The following FAM83G variants were observed in gnomAD, a reference collection of about 807,000 sequenced individuals.
FAM83G encodes scaffolding CK1 anchoring protein G, also known as protein FAM83G.
In FAM83G, 38 loss-of-function variants were observed where a neutral mutation model predicts 61.5. The observed-to-expected ratio is 0.62, with a 90% CI of 0.48 to 0.81. The LOEUF (loss-of-function observed/expected upper bound fraction) is 0.81. Among genes scored for constraint, FAM83G ranks in the 30% least tolerant of loss-of-function variants. FAM83G has a pLI of 0.00. For missense variants in FAM83G, 989 were observed against 1,133.6 expected, an observed-to-expected ratio of 0.87 and a Z score of 1.83; for synonymous variants, 470 against 476.1, an observed-to-expected ratio of 0.99 and a Z score of 0.17.
At chr17:18,976,187 C>CAAAAAAAGAAAAAAA (rs2042974852) in intron 5 of FAM83G, 1 of 108,466 alleles carries the variant, frequency 9.2e-6, no homozygotes, top group Non-Finnish European at 1.9e-5. Context: ...GACTCCGACT[C>CAAAAAAAGAAAAAAA]AAAAAAAAAG....
In FAM83G at chr17:18,968,870, G is replaced by C. The variant is rs576959646; in HGVS notation, c.*2489C>G. The C allele has an allele frequency of 3.4e-6, 2 of 594,298 alleles. No homozygotes were observed. Among genetic ancestry groups the C allele is most frequent in the Admixed American group, 3.1e-5 (1 of 32,744 alleles). The allele number at this position is 594,298 out of a possible 1,614,324, so 36.8% of individuals were successfully genotyped here. Reference sequence around the variant, plus strand: ...CATCCGCACAAGCTTGTAGCTCCACGGCCAGGTCTTCCCCCAACCTCACAA... The same window carrying C: ...CATCCGCACAAGCTTGTAGCTCCACCGCCAGGTCTTCCCCCAACCTCACAA... On this transcript the variant is annotated 3_prime_UTR_variant, in exon 6 of 6. Coordinates refer to ENST00000388995, the MANE Select transcript of FAM83G (RefSeq NM_001039999.3). This position sits in a 1 kb window ranked among gnomAD's most constrained non-coding sequence, Gnocchi z 4.1.
intron 2 of FAM83G, among the ~76,000 whole-genome samples, chr17:18,998,018 C>G (rs1478695012): frequency 2.6e-5 from 4 of 152,224 alleles, no homozygotes; most frequent in African/African-American, 4.8e-5. Context: ...AAGATAACAC[C>G]AGAGCTGGGG....
chr17:18,991,654 C>T (rs973110370), intron 2 of FAM83G, among the ~76,000 whole-genome samples: 1 of 152,210 alleles, frequency 6.6e-6, no homozygotes, highest in Non-Finnish European at 1.5e-5. Flanking sequence ...GAGCAGCTGG[C>T]ACAGGGGCAG....
chr17:18,981,686 C>T (rs1258653682), intron 3 of FAM83G, among the ~76,000 whole-genome samples: 2 of 152,176 alleles, frequency 1.3e-5, no homozygotes, highest in African/African-American at 2.4e-5. Flanking sequence ...ATCTGATGCC[C>T]ACCTGTGGGA....
At chr17:18,997,038 T>C (rs1055667873) in intron 2 of FAM83G, among the ~76,000 whole-genome samples, 1 of 152,202 alleles carries the variant, frequency 6.6e-6, no homozygotes, top group East Asian at 1.9e-4. Flanking sequence ...CCCTTGACAT[T>C]CATCAGCTCT....
chr17:18,976,830 C>T (rs772217660), intron 5 of FAM83G: 2 of 1,611,650 alleles, frequency 1.2e-6, no homozygotes, highest in African/African-American at 1.3e-5. Flanking sequence ...CTTGGACTCA[C>T]CCCGTCTCGC....
In FAM83G at chr17:18,971,396, C is replaced by T. The variant is rs374481599; in HGVS notation, c.2435G>A (p.Arg812Gln). The T allele has an allele frequency of 2.1e-5, 34 of 1,613,614 alleles. No individual in the cohort carries two copies. Among genetic ancestry groups the T allele is most frequent in the African/African-American group, 4.0e-5 (3 of 74,912 alleles). The change falls in exon 6 of 6, where the codon CGG becomes CAG. Residue 812 changes from arginine to glutamine, a missense_variant. Arg to Gln is a conservative substitution (Grantham distance 43). Around this residue, in one of 3 missense-constraint regions of FAM83G, gnomAD observed 574 missense variants for 645.1 expected, o/e 0.89. Transcript: ENST00000388995. The surrounding 1 kb of genome is among the most constrained non-coding windows in gnomAD (Gnocchi z 5.5). ...GSQWASSDSKRRAQAPRDRKD... is the reference protein window; with the variant it reads ...GSQWASSDSKQRAQAPRDRKD... ...GCGGTCCCGGGGGGCTTGAGCCCTC[C>T]GTTTAGAATCCGATGAGGCCCACTG... is the stretch of plus-strand genomic sequence containing the variant.
At position 19,000,490 on chromosome 17, in the gene FAM83G, T is replaced by C. The variant is rs1049090028; in HGVS notation, c.522+3030A>G. Among the ~76,000 whole-genome samples the C allele has an allele frequency of 2.0e-5, 3 of 152,116 alleles. No homozygotes were observed. The highest frequency in any genetic ancestry group is 7.2e-5 in the African/African-American group (3 of 41,406). The stretch of plus-strand genomic sequence containing the variant: ...TGTCCACTAGTTCCATTCTAGTCAT[T>C]TGGGAACAGGGGGGACTGACAGCAG... On this transcript the variant is annotated intron_variant, in intron 2 of 5. Transcript: ENST00000388995. The surrounding 1 kb of genome is among the most constrained non-coding windows in gnomAD (Gnocchi z 5.2).
chr17:18,977,398 G>C (rs999554060), intron 5 of FAM83G, 186 bp downstream of exon 5: 8 of 630,908 alleles, frequency 1.3e-5, no homozygotes, highest in South Asian at 2.0e-5. Context: ...CAGCATTAAT[G>C]ATGGCCTTCC....
rs551954434 is a variant in FAM83G, at chr17:18,977,596, G to T, written c.2070C>A (p.Asp690Glu). The T allele has an allele frequency of 1.2e-5, 20 of 1,608,608 alleles. No homozygotes were observed. Among genetic ancestry groups the T allele is most frequent in the Middle Eastern group, 1.7e-4 (1 of 6,058 alleles). Residue 690 changes from aspartate (D) to glutamate (E), a missense_variant, in exon 5 of 6, where the codon GAC becomes GAA. By Grantham distance (45) the Asp-to-Glu change is conservative (BLOSUM62 2). Around this residue, in one of 3 missense-constraint regions of FAM83G, gnomAD observed 574 missense variants for 645.1 expected, o/e 0.89. Transcript: ENST00000388995. ...GACCCTGACCCACCTGTGCCTCCTT[G>T]TCTGTGGAGCGCTGGGCCTGCATCC... ...LKRMQAQRST[D>E]KEAQGQQFHH... is the part of the protein sequence containing the mutation.
chr17:18,998,053 G>A (rs2043612986), intron 2 of FAM83G, among the ~76,000 whole-genome samples: 1 of 152,206 alleles, frequency 6.6e-6, no homozygotes, highest in Admixed American at 6.5e-5. Flanking sequence ...CCAGTGATAC[G>A]GAAGCCTGTC....
At position 18,971,257 on chromosome 17, in the gene FAM83G, C is replaced by T. The variant is rs183733514; in HGVS notation, c.*102G>A. ...TCTCCCGCCCATCCCACCTTCCTGCCGTCCCAGTGGGCTCTGGTAGGCCCA... is the reference window on the plus strand; with the variant it reads ...TCTCCCGCCCATCCCACCTTCCTGCTGTCCCAGTGGGCTCTGGTAGGCCCA... On this transcript the variant is annotated 3_prime_UTR_variant, in exon 6 of 6. Transcript: ENST00000388995. This position sits in a 1 kb window ranked among gnomAD's most constrained non-coding sequence, Gnocchi z 5.5. The T allele has an allele frequency of 2.1e-4, 337 of 1,612,252 alleles. 1 individual carries two copies. In the African/African-American group the frequency reaches 3.1e-3, roughly 15 times the overall value.
chr17:19,005,622 A>G (rs1286228082), upstream of FAM83G, among the ~76,000 whole-genome samples: 1 of 151,638 alleles, frequency 6.6e-6, no homozygotes, highest in Non-Finnish European at 1.5e-5. Flanking sequence ...TAGGCTGGTG[A>G]CATCTCTAGG....
At position 19,004,351 on chromosome 17, in the gene FAM83G, T is replaced by C; in HGVS notation, c.-128-182A>G. The C allele has an allele frequency of 6.7e-6, 2 of 297,148 alleles. No homozygotes were observed. The highest frequency in any genetic ancestry group is 1.3e-5 in the Non-Finnish European group (2 of 159,318). The allele number at this position is 297,148 out of a possible 1,614,324, so 18.4% of individuals were successfully genotyped here. On this transcript the variant is annotated intron_variant, in intron 1 of 5. Transcript: ENST00000388995. This position sits in a 1 kb window ranked among gnomAD's most constrained non-coding sequence, Gnocchi z 5.4. ...AGAAAGTAAGGGATCGGAACAGCGG[T>C]GAGGGAGCGGTGGGCCACGTCCCAG...
At chr17:18,983,771 G>GC (rs1340315243) in intron 3 of FAM83G, among the ~76,000 whole-genome samples, 1 of 152,168 alleles carries the variant, frequency 6.6e-6, no homozygotes, top group Non-Finnish European at 1.5e-5. Context: ...GGGGTGGTGG[G>GC]CCCTTTGTGA....
At chr17:18,986,720 G>A (rs575991470) in intron 3 of FAM83G, among the ~76,000 whole-genome samples, 14 of 152,368 alleles carry the variant, frequency 9.2e-5, no homozygotes, top group Non-Finnish European at 1.9e-4. Context: ...AAACCGACAG[G>A]CTTGCTCCCT....
chr17:18,979,658 T>C lies in FAM83G; in HGVS notation c.706A>G (p.Ser236Gly), dbSNP rs1255505039. The part of the protein sequence containing the change: ...LGHLKNLRVR[S>G]SGGTEFFTRS... The stretch of plus-strand genomic sequence containing the variant: ...GTGAAGAACTCAGTTCCCCCGCTGC[T>C]CCGCACTCTGAGATTCTGTTTTGGG... Residue 236 changes from serine to glycine, a missense_variant, in exon 4 of 6, where the codon AGC becomes GGC. Physicochemically the swap from Ser to Gly is moderately conservative, Grantham distance 56. Coordinates refer to ENST00000388995, the MANE Select transcript of FAM83G (RefSeq NM_001039999.3). 2.5e-6 allele frequency: 4 copies of C among 1,613,406 alleles called. No individual in the cohort carries two copies. The highest frequency in any genetic ancestry group is 3.4e-6 in the Non-Finnish European group (4 of 1,179,960).
rs774547171 is a variant in FAM83G, at chr17:18,971,580, C to T, written c.2251G>A (p.Val751Ile). The T allele has an allele frequency of 1.2e-6, 2 of 1,613,604 alleles. No individual in the cohort carries two copies. The highest frequency in any genetic ancestry group is 2.2e-5 in the East Asian group (1 of 44,866). The change falls in exon 6 of 6, where the codon GTA becomes ATA. Residue 751 changes from valine to isoleucine, a missense_variant. Physicochemically the swap from Val to Ile is conservative, Grantham distance 29. Coordinates refer to ENST00000388995, the MANE Select transcript of FAM83G (RefSeq NM_001039999.3). The surrounding 1 kb of genome is among the most constrained non-coding windows in gnomAD (Gnocchi z 5.5). ...PHHWQAKGGQVPRLLPDPGSP... is the reference protein window; with the variant it reads ...PHHWQAKGGQIPRLLPDPGSP... ...CCGGGATCCGGAAGCAGGCGGGGTACCTGACCTCCCTTGGCCTGCCAGTGG... is the reference window on the plus strand; with the variant it reads ...CCGGGATCCGGAAGCAGGCGGGGTATCTGACCTCCCTTGGCCTGCCAGTGG...
At chr17:18,998,658 C>T (rs1043183042) in intron 2 of FAM83G, among the ~76,000 whole-genome samples, 1 of 152,220 alleles carries the variant, frequency 6.6e-6, no homozygotes, top group Non-Finnish European at 1.5e-5. Context: ...AGGGCTGCTC[C>T]CGGCTCTCCT....
Sources: allele counts gnomAD v4.1 joint callset (sites outside exome capture counted in the v4.1 genomes callset), GRCh38; gene constraint gnomAD v4.1.1; regional missense constraint gnomAD v4.1.1; non-coding constraint Gnocchi (gnomAD v3.1); transcripts MANE v1.5; gene names NCBI Gene and HGNC (gene_info 2026-07-23, HGNC 2026-07-21).